LTBP1: variants seen among roughly 807,000 people sequenced by gnomAD.
LTBP1 encodes latent-transforming growth factor beta-binding protein 1.
A neutral mutation model predicts 207.6 loss-of-function variants in LTBP1; 129 were observed. That is an observed-to-expected ratio of 0.62 (90% CI 0.54 to 0.72). LTBP1 has a LOEUF of 0.72. Among genes scored for constraint, LTBP1 ranks in the 30% least tolerant of loss-of-function variants. LTBP1 has a pLI of 0.00. For synonymous variants in LTBP1, 963 were observed against 833.7 expected, an observed-to-expected ratio of 1.16 and a Z score of -2.67; for missense variants, 2,281 against 2,217.2, an observed-to-expected ratio of 1.03 and a Z score of -0.58.
At chr2:32,971,632 A>G (rs553552421) in intron 2 of LTBP1, among the ~76,000 whole-genome samples, 14 of 152,318 alleles carry the variant, frequency 9.2e-5, no homozygotes, top group African/African-American at 3.1e-4. Context: ...CTTACATCCC[A>G]GCGATAAAGC....
At chr2:33,266,857 C>CA (rs978734659) in intron 15 of LTBP1, among the ~76,000 whole-genome samples, 2 of 152,148 alleles carry the variant, frequency 1.3e-5, no homozygotes, top group African/African-American at 4.8e-5. Flanking sequence ...CAGAGCCCAC[C>CA]AAATGGTGGT....
At chr2:33,045,325 T>G (rs188784226) in intron 3 of LTBP1, among the ~76,000 whole-genome samples, 5 of 152,356 alleles carry the variant, frequency 3.3e-5, no homozygotes, top group African/African-American at 1.2e-4. Context: ...TTCCGTTTTC[T>G]GCGTATGGCT....
intron 3 of LTBP1, among the ~76,000 whole-genome samples, chr2:33,059,973 A>G (rs905308758): frequency 1.3e-5 from 2 of 152,242 alleles, no homozygotes; most frequent in African/African-American, 4.8e-5. Context: ...TCTTAAAGAA[A>G]ATAGCTAAGA....
At chr2:32,952,296 C>T (rs1287500579) in intron 2 of LTBP1, among the ~76,000 whole-genome samples, 2 of 152,172 alleles carry the variant, frequency 1.3e-5, no homozygotes, top group Non-Finnish European at 2.9e-5. Flanking sequence ...CACACAAGGG[C>T]AAAGAATGGA....
intron 5 of LTBP1, among the ~76,000 whole-genome samples, chr2:33,182,610 C>T (rs991379797): frequency 8.1e-5 from 12 of 147,840 alleles, no homozygotes; most frequent in African/African-American, 2.8e-4. Context: ...TGCAGTGAGC[C>T]GAGATGGCGC....
intron 7 of LTBP1, among the ~76,000 whole-genome samples, chr2:33,195,202 C>T (rs1406571124): frequency 3.3e-5 from 5 of 152,140 alleles, no homozygotes; most frequent in African/African-American, 1.2e-4. Flanking sequence ...ATCAAGGAGT[C>T]ATTTGGACTT....
At position 33,009,964 on chromosome 2, in the gene LTBP1, AG is replaced by A. The variant is rs1429159381; in HGVS notation, c.566-10943del. Among the ~76,000 whole-genome samples the A allele has an allele frequency of 1.1e-4, 16 of 152,332 alleles. 2 individuals carry two copies. Among genetic ancestry groups the A allele is most frequent in the Admixed American group, 9.8e-4 (15 of 15,296 alleles). On this transcript the variant is annotated intron_variant, in intron 2 of 33. Transcript: ENST00000404816. ...AGTTCGGGCACTGAATTAGATCTTCAGGAGAAGGGTCCAAGGATCAAGGAGG... is the reference window on the plus strand; with the variant it reads ...AGTTCGGGCACTGAATTAGATCTTCAGAGAAGGGTCCAAGGATCAAGGAGG...
At chr2:33,022,664 T>C (rs1261600805) in intron 3 of LTBP1, among the ~76,000 whole-genome samples, 1 of 152,178 alleles carries the variant, frequency 6.6e-6, no homozygotes, top group African/African-American at 2.4e-5. Flanking sequence ...TCAGCATCCA[T>C]GCCCTGAAGG....
chr2:33,158,652 C>A lies in LTBP1; in HGVS notation c.1201+23692C>A, dbSNP rs532049680. ...TTGACATTGTGGTTGTCGAAGGAGGCACCTTCTAGCCAGAAAATGGAAGAT... is the reference window on the plus strand; with the variant it reads ...TTGACATTGTGGTTGTCGAAGGAGGAACCTTCTAGCCAGAAAATGGAAGAT... On this transcript the variant is annotated intron_variant, in intron 5 of 33. Transcript: ENST00000404816. Among the ~76,000 whole-genome samples, 15 of 152,280 alleles carry A rather than the reference C, an allele frequency of 9.9e-5. 1 individual carries two copies. The South Asian group carries it at 3.1e-3, about 32-fold the overall frequency.
At chr2:33,006,880 A>G (rs934477007) in intron 2 of LTBP1, among the ~76,000 whole-genome samples, 6 of 152,218 alleles carry the variant, frequency 3.9e-5, no homozygotes, top group Middle Eastern at 3.4e-3. Context: ...TTGTTTGCAA[A>G]TGCATCATCT....
chr2:33,265,804 G>C (rs1020946986), intron 15 of LTBP1, among the ~76,000 whole-genome samples: 1 of 152,056 alleles, frequency 6.6e-6, no homozygotes, highest in Non-Finnish European at 1.5e-5. Flanking sequence ...ATGTCACTAA[G>C]GGGCATCATC....
chr2:33,092,654 C>T (rs1446792579), intron 3 of LTBP1, among the ~76,000 whole-genome samples: 1 of 151,860 alleles, frequency 6.6e-6, no homozygotes, highest in Non-Finnish European at 1.5e-5. Context: ...AATTTTTAGT[C>T]TTAGAGAGAA....
intron 28 of LTBP1, 80 bp from the exon 29 acceptor site, chr2:33,363,310 C>T (rs2094947033): frequency 1.4e-6 from 2 of 1,403,124 alleles, no homozygotes; most frequent in African/African-American, 2.9e-5. Context: ...TAACTTAAAG[C>T]CCCAAATCTG....
chr2:33,155,475 CAG>C (rs1432514637), intron 5 of LTBP1, among the ~76,000 whole-genome samples: 6 of 152,208 alleles, frequency 3.9e-5, no homozygotes, highest in East Asian at 1.9e-4. Flanking sequence ...GTGCCTAAAA[CAG>C]AGTTTCTCCA....
chr2:33,067,692 T>C (rs2077587154), intron 3 of LTBP1, among the ~76,000 whole-genome samples: 1 of 152,190 alleles, frequency 6.6e-6, no homozygotes, highest in South Asian at 2.1e-4. Context: ...ATTTAAAATA[T>C]ACAAGAGGAT....
chr2:33,355,760 G>T (rs1280400069), intron 26 of LTBP1, among the ~76,000 whole-genome samples: 1 of 151,914 alleles, frequency 6.6e-6, no homozygotes, highest in Non-Finnish European at 1.5e-5. Context: ...GCCTTCACTA[G>T]ATGTCAGCTC....
At chr2:33,309,950 T>TTTC (rs1369123443) in intron 23 of LTBP1, among the ~76,000 whole-genome samples, 51 of 67,216 alleles carry the variant, frequency 7.6e-4, no homozygotes, top group Non-Finnish European at 1.6e-3. Context: ...CCGCCATTGC[T>TTTC]TTTTTTTTTT....
At chr2:33,303,541 G>C (rs1035241989) in intron 22 of LTBP1, among the ~76,000 whole-genome samples, 1 of 151,746 alleles carries the variant, frequency 6.6e-6, no homozygotes, top group Non-Finnish European at 1.5e-5. Context: ...TAATAGAGAC[G>C]GGTTTTCACC....
At chr2:33,032,726 G>A (rs2075746508) in intron 3 of LTBP1, among the ~76,000 whole-genome samples, 2 of 152,170 alleles carry the variant, frequency 1.3e-5, no homozygotes, top group African/African-American at 4.8e-5. Context: ...AGCAGTTTTT[G>A]TTTCAGACTT....
Sources: gnomAD v4.1 joint callset for allele counts (sites outside exome capture counted in the v4.1 genomes callset) on GRCh38, gnomAD v4.1.1 for gene constraint, MANE v1.5 for transcripts, NCBI Gene and HGNC (gene_info 2026-07-23, HGNC 2026-07-21) for gene names.